ITIH1: variants seen among roughly 807,000 people sequenced by gnomAD.
ITIH1 encodes the protein inter-alpha-trypsin inhibitor heavy chain 1.
ITIH1 carries 94 observed loss-of-function variants against 104.6 expected under a neutral mutation model. The ratio of observed to expected loss-of-function variants is 0.90; its 90% CI spans 0.76 to 1.07. The LOEUF is 1.07. Among genes scored for constraint, ITIH1 ranks in the 50% least tolerant of loss-of-function variants. The pLI is 0.00. For missense variants in ITIH1, 1,193 were observed against 1,181.4 expected (o/e 1.01, Z -0.14); for synonymous variants, 455 against 464.4 (o/e 0.98, Z 0.26).
chr3:52,780,804 C>T (rs1699016231), intron 6 of ITIH1, among the ~76,000 whole-genome samples: 1 of 152,194 alleles, frequency 6.6e-6, no homozygotes, highest in South Asian at 2.1e-4. Flanking sequence ...TTGGAAAGAC[C>T]TTTGGCCTAC....
Position 52,782,014 on chromosome 3 carries a change from G to T in ITIH1, c.762G>T (p.Gly254=), listed in dbSNP as rs773751960. Reference sequence around the variant, plus strand: ...CATGCTCTACATCCTTACTGAACGGGCACTTCAAGGTGACCTACGATGTCA... The same window carrying T: ...CATGCTCTACATCCTTACTGAACGGTCACTTCAAGGTGACCTACGATGTCA... The part of the protein sequence containing the change: ...CPTCSTSLLN[G]HFKVTYDVSR... Residue 254 remains glycine (G), a synonymous_variant, in exon 7 of 22, where the codon GGG becomes GGT. Transcript: ENST00000273283. The T allele has an allele frequency of 6.2e-7, 1 of 1,614,112 alleles. No homozygotes were observed. Among genetic ancestry groups the T allele is most frequent in the Non-Finnish European group, 8.5e-7 (1 of 1,180,024 alleles).
At position 52,782,134 on chromosome 3, in the gene ITIH1, G is replaced by T; in HGVS notation, c.814-17G>T. ...GGGTGCTGTGAGAGTGGCCTCACTC[G>T]TTCTCCTCTATTTCAGGTGGCCAAT... On this transcript the variant is annotated splice_polypyrimidine_tract_variant and intron_variant, in intron 7 of 21. Transcript: ENST00000273283. 2 of 1,614,076 alleles carry T rather than the reference G, an allele frequency of 1.2e-6. No individual in the cohort carries two copies. Among genetic ancestry groups the T allele is most frequent in the Non-Finnish European group, 1.7e-6 (2 of 1,179,958 alleles).
chr3:52,782,896 A>G, intron 8 of ITIH1, 61 bp from the exon 9 acceptor site: 1 of 1,520,122 alleles, frequency 6.6e-7, no homozygotes, highest in Non-Finnish European at 9.0e-7. Context: ...TGGAGTTGGA[A>G]GGTGCTGTCC....
At position 52,777,629 on chromosome 3, in the gene ITIH1, T is replaced by C. The variant is rs148946122; in HGVS notation, c.14T>C (p.Met5Thr). MDGA[M>T]GPRGLLLCMY... ...GAGCCTTAGAGCATGGACGGTGCCATGGGGCCTCGGGGGCTGCTGTTGTGC... is the reference window on the plus strand; with the variant it reads ...GAGCCTTAGAGCATGGACGGTGCCACGGGGCCTCGGGGGCTGCTGTTGTGC... The change falls in exon 1 of 22, where the codon ATG becomes ACG. Residue 5 changes from methionine to threonine, a missense_variant. Transcript: ENST00000273283. 2.1e-4 allele frequency: 340 copies of C among 1,588,720 alleles called. 4 individuals carry two copies. In the African/African-American group the frequency reaches 3.8e-3, roughly 18 times the overall value.
rs1698993735 is a variant in ITIH1, at chr3:52,779,946, G to A, written c.574-323G>A. 1 of 1,379,982 alleles carries A rather than the reference G, an allele frequency of 7.2e-7. No individual in the cohort carries two copies. Among genetic ancestry groups the A allele is most frequent in the Admixed American group, 3.0e-5 (1 of 32,884 alleles). 85.5% of individuals were successfully genotyped at this position (1,379,982 alleles called of 1,614,324 possible). On this transcript the variant is annotated intron_variant, in intron 5 of 21. Transcript: ENST00000273283. This position sits in a 1 kb window ranked among gnomAD's most constrained non-coding sequence, Gnocchi z 4.4. ...GAATTATTGCTGGCACCTAAGTGGT[G>A]GCTGAGTTGAGGGATGCAGGCATGT... is the stretch of plus-strand genomic sequence containing the variant.
intron 16 of ITIH1, 112 bp downstream of exon 16, chr3:52,787,724 AGAACAGACCTCT>A: frequency 1.6e-6 from 2 of 1,284,760 alleles, no homozygotes; most frequent in Non-Finnish European, 1.1e-6. Flanking sequence ...GGGAATCTTT[AGAACAGACCTCT>A]GAACAGCCTG....
At chr3:52,784,015 G>C (rs1699133778) in intron 10 of ITIH1, among the ~76,000 whole-genome samples, 2 of 152,146 alleles carry the variant, frequency 1.3e-5, no homozygotes, top group African/African-American at 4.8e-5. Context: ...AGGTCAGCAG[G>C]GTCTCGCAGT....
At position 52,781,208 on chromosome 3, in the gene ITIH1, T is replaced by TTTCTTCTTCTTC. The variant is rs56188215; in HGVS notation, c.688-665_688-654dup. ...CACCTCCTCCTCTTCTTTTTTTTTT[T>TTTCTTCTTCTTC]TTCTTCTTCTTCTTCTTCTTCTTCT... On this transcript the variant is annotated intron_variant, in intron 6 of 21. Coordinates refer to ENST00000273283, the MANE Select transcript of ITIH1 (RefSeq NM_002215.4). 1.6e-3 allele frequency among the ~76,000 whole-genome samples: 79 copies of TTTCTTCTTCTTC among 49,948 alleles called. 3 individuals carry two copies. Among genetic ancestry groups the TTTCTTCTTCTTC allele is most frequent in the Non-Finnish European group, 1.8e-3 (48 of 26,524 alleles). 32.8% of individuals were successfully genotyped at this position (49,948 alleles called of 152,430 possible).
chr3:52,778,624 C>T, intron 3 of ITIH1, 118 bp downstream of exon 3: 1 of 1,522,294 alleles, frequency 6.6e-7, no homozygotes, highest in South Asian at 1.3e-5. Context: ...CTAGAAGGGC[C>T]ACAGACCAGC....
At chr3:52,784,504 C>A in intron 11 of ITIH1, 27 bp downstream of exon 11, 1 of 1,607,046 alleles carries the variant, frequency 6.2e-7, no homozygotes, top group Non-Finnish European at 8.5e-7. Flanking sequence ...CCCTGTACCT[C>A]CAATGGCATG....
At chr3:52,784,535 G>A in intron 11 of ITIH1, 58 bp downstream of exon 11, 1 of 1,546,252 alleles carries the variant, frequency 6.5e-7, no homozygotes, top group South Asian at 1.2e-5. Flanking sequence ...CCCTGCCTTG[G>A]TGGCCGTTTG....
chr3:52,791,662 C>T (rs540097114), intron 21 of ITIH1, 34 bp downstream of exon 21: 18 of 1,610,906 alleles, frequency 1.1e-5, no homozygotes, highest in East Asian at 1.1e-4. Flanking sequence ...CGTCTGCCCT[C>T]GGCCACTTTG....
chr3:52,785,311 T>A (rs2268023), intron 12 of ITIH1, 82 bp downstream of exon 12: 545,539 of 1,369,762 alleles, frequency 0.4, 111,391 homozygotes, highest in Admixed American at 0.53. Flanking sequence ...ATTCCTGCCA[T>A]CCCCCAGAGG....
Position 52,784,410 on chromosome 3 carries a change from T to A in ITIH1, c.1340T>A (p.Met447Lys), listed in dbSNP as rs1699146143. Reference sequence around the variant, plus strand: ...GTGGACTTTAACTTTCTGGAGGTCATGTCCATGGAGAACAACGGACGGGCC... The same window carrying A: ...GTGGACTTTAACTTTCTGGAGGTCAAGTCCATGGAGAACAACGGACGGGCC... The part of the protein sequence containing the change: ...HNVDFNFLEV[M>K]SMENNGRAQR... The change falls in exon 11 of 22, where the codon ATG becomes AAG. Residue 447 changes from methionine (M) to lysine (K), a missense_variant. Met to Lys is a moderately conservative substitution (Grantham distance 95). Transcript: ENST00000273283. The A allele has an allele frequency of 6.2e-7, 1 of 1,614,060 alleles. No individual in the cohort carries two copies. Among genetic ancestry groups the A allele is most frequent in the African/African-American group, 1.3e-5 (1 of 74,936 alleles).
At chr3:52,785,273 TAGA>T (rs1699172974) in intron 12 of ITIH1, 44 bp downstream of exon 12, 1 of 1,588,922 alleles carries the variant, frequency 6.3e-7, no homozygotes, top group Non-Finnish European at 8.6e-7. Flanking sequence ...GGCAGCACCC[TAGA>T]GGCTCCAAAC....
At position 52,779,773 on chromosome 3, in the gene ITIH1, A is replaced by C; in HGVS notation, c.573+179A>C. 9.6e-7 allele frequency: 1 copy of C among 1,042,524 alleles called. No individual in the cohort carries two copies. The allele number at this position is 1,042,524 out of a possible 1,614,324, so 64.6% of individuals were successfully genotyped here. ...GGGCAGGGAACTCCCTGAATTCTCT[A>C]ACTTCCTCTTTATCTCTGAGCTTCG... On this transcript the variant is annotated intron_variant, in intron 5 of 21. Transcript: ENST00000273283. The surrounding 1 kb of genome is among the most constrained non-coding windows in gnomAD (Gnocchi z 4.4).
intron 12 of ITIH1, among the ~76,000 whole-genome samples, chr3:52,785,807 T>G (rs1699182119): frequency 6.6e-6 from 1 of 152,218 alleles, no homozygotes; most frequent in Non-Finnish European, 1.5e-5. Context: ...AGTTTCCTTT[T>G]CTGTACCATA....
At chr3:52,778,554 C>G (rs777535994) in intron 3 of ITIH1, 48 bp downstream of exon 3, 8 of 1,607,310 alleles carry the variant, frequency 5.0e-6, no homozygotes, top group Non-Finnish European at 6.8e-6. Context: ...GTGCCGCTTA[C>G]TAGTCCCAGC....
chr3:52,784,602 G>GCCT, intron 11 of ITIH1, 125 bp downstream of exon 11: 1 of 987,812 alleles, frequency 1.0e-6, no homozygotes, highest in Non-Finnish European at 1.5e-6. Flanking sequence ...TCAGCTGCAT[G>GCCT]GGCCAGGCAT....
Sources: allele counts gnomAD v4.1 joint callset (sites outside exome capture counted in the v4.1 genomes callset), GRCh38; gene constraint gnomAD v4.1.1; non-coding constraint Gnocchi (gnomAD v3.1); transcripts MANE v1.5; gene names NCBI Gene and HGNC (gene_info 2026-07-23, HGNC 2026-07-21).